Variants in MINDY2 observed in about 807,000 individuals in gnomAD.
MINDY2 encodes the protein MINDY lysine 48 deubiquitinase 2, also known as ubiquitin carboxyl-terminal hydrolase MINDY-2.
Under a neutral mutation model 68.2 loss-of-function variants are expected in MINDY2, and 52 were observed. The ratio of observed to expected loss-of-function variants is 0.76; its 90% CI spans 0.61 to 0.96. MINDY2 has a LOEUF of 0.96. Ranked by LOEUF, MINDY2 falls within the 40% of genes least tolerant of loss-of-function variation. MINDY2 has a pLI of 0.00. For missense variants in MINDY2, 881 were observed against 773.4 expected (o/e 1.14, Z -1.65); for synonymous variants, 372 against 303.0 (o/e 1.23, Z -2.36).
rs139712130 is a variant in MINDY2 at position 58,850,216 on chromosome 15, T to C, written c.1543-1555T>C. 2.2e-3 allele frequency among the ~76,000 whole-genome samples: 335 copies of C among 152,288 alleles called. 2 individuals carry two copies. The highest frequency in any genetic ancestry group is 7.6e-3 in the African/African-American group (315 of 41,556). On this transcript the variant is annotated intron_variant, in intron 7 of 8. Coordinates refer to ENST00000559228, the MANE Select transcript of MINDY2 (RefSeq NM_001040450.3). ...TTTCTGATAGAAACTAATCTGAGTG[T>C]GTACATGGGAGGAGGGAGGAGATGG...
At chr15:58,777,886 C>G (rs1176181281) in intron 1 of MINDY2, among the ~76,000 whole-genome samples, 2 of 152,024 alleles carry the variant, frequency 1.3e-5, no homozygotes, top group African/African-American at 2.4e-5. Context: ...GTAAATTTAT[C>G]AAAATGTATG....
chr15:58,808,998 C>T (rs2030025173), intron 3 of MINDY2, among the ~76,000 whole-genome samples: 2 of 152,160 alleles, frequency 1.3e-5, no homozygotes, highest in South Asian at 4.1e-4. Flanking sequence ...ATCACTTGAG[C>T]TCAGAAATTC....
intron 7 of MINDY2, among the ~76,000 whole-genome samples, chr15:58,850,613 G>C (rs1381981218): frequency 6.6e-6 from 1 of 152,074 alleles, no homozygotes; most frequent in Admixed American, 6.6e-5. Context: ...TATGAAACAG[G>C]GTCTCAGTCA....
At chr15:58,840,391 TC>T (rs2032216648) in intron 6 of MINDY2, among the ~76,000 whole-genome samples, 1 of 152,170 alleles carries the variant, frequency 6.6e-6, no homozygotes, top group South Asian at 2.1e-4. Context: ...CCTCTGTGTT[TC>T]TTTCATTATT....
intron 3 of MINDY2, among the ~76,000 whole-genome samples, chr15:58,805,130 G>C (rs567387642): frequency 1.3e-5 from 2 of 152,288 alleles, no homozygotes; most frequent in South Asian, 2.1e-4. Context: ...ACAACTGCTT[G>C]CATTTCTCAT....
chr15:58,791,226 T>C (rs1473577343), intron 2 of MINDY2, among the ~76,000 whole-genome samples: 1 of 21,490 alleles, frequency 4.7e-5, no homozygotes, highest in Non-Finnish European at 6.1e-5. Context: ...TATATATATA[T>C]ATATATATAT....
In MINDY2 at chr15:58,822,148, G is replaced by A. The variant is rs192333313; in HGVS notation, c.1225+329G>A. 4.9e-3 allele frequency among the ~76,000 whole-genome samples: 750 copies of A among 152,090 alleles called. 7 individuals carry two copies. Among genetic ancestry groups the A allele is most frequent in the South Asian group, 0.028 (133 of 4,814 alleles). On this transcript the variant is annotated intron_variant, in intron 5 of 8. Transcript: ENST00000559228. The stretch of plus-strand genomic sequence containing the variant: ...GCATGCCTGTAATCCCAGCTACTCA[G>A]GAGGCTGAGGCAGGAGAATCGCTTG...
At chr15:58,796,731 C>G (rs987271694) in intron 2 of MINDY2, among the ~76,000 whole-genome samples, 2 of 152,180 alleles carry the variant, frequency 1.3e-5, no homozygotes, top group Non-Finnish European at 2.9e-5. Flanking sequence ...CCATGTTGGC[C>G]GGGCTGGTCT....
chr15:58,775,015 G>C (rs566017092), intron 1 of MINDY2, among the ~76,000 whole-genome samples: 1 of 152,282 alleles, frequency 6.6e-6, no homozygotes, highest in Non-Finnish European at 1.5e-5. Flanking sequence ...ATGGATAAGC[G>C]AAGCAAAGTA....
intron 6 of MINDY2, among the ~76,000 whole-genome samples, chr15:58,840,071 C>T (rs147143440): frequency 6.6e-6 from 1 of 152,138 alleles, no homozygotes; most frequent in East Asian, 1.9e-4. Flanking sequence ...TGACCTCAGG[C>T]AGTCTGCCCG....
chr15:58,831,041 G>GTGTGTGTGTATATATATATATATATA (rs565786025), intron 5 of MINDY2, among the ~76,000 whole-genome samples: 5 of 124,902 alleles, frequency 4.0e-5, no homozygotes, highest in South Asian at 2.5e-4. Flanking sequence ...GTGTGTGTGT[G>GTGTGTGTGTATATATATATATATATA]TATATATATA....
chr15:58,808,437 C>A (rs2029971213), intron 3 of MINDY2, among the ~76,000 whole-genome samples: 1 of 152,100 alleles, frequency 6.6e-6, no homozygotes, highest in African/African-American at 2.4e-5. Context: ...TTGCCCTTTC[C>A]AGAATGTCAT....
chr15:58,804,046 G>A (rs901863763), intron 3 of MINDY2, among the ~76,000 whole-genome samples: 4 of 150,696 alleles, frequency 2.7e-5, no homozygotes, highest in Admixed American at 1.3e-4. Flanking sequence ...GGAGAATGGC[G>A]TGAACCTGGG....
chr15:58,808,967 G>A (rs564126909), intron 3 of MINDY2, among the ~76,000 whole-genome samples: 6 of 152,216 alleles, frequency 3.9e-5, no homozygotes, highest in South Asian at 2.1e-4. Context: ...ATCCCAATAC[G>A]TTGAGAGGCT....
At chr15:58,791,956 G>A (rs558546149) in intron 2 of MINDY2, among the ~76,000 whole-genome samples, 1 of 152,188 alleles carries the variant, frequency 6.6e-6, no homozygotes, top group Admixed American at 6.5e-5. Context: ...AAGAAAAATA[G>A]GAGGCTGTGA....
chr15:58,801,598 A>C (rs1902665796), intron 2 of MINDY2, among the ~76,000 whole-genome samples: 1 of 152,174 alleles, frequency 6.6e-6, no homozygotes, highest in African/African-American at 2.4e-5. Flanking sequence ...GGTGATACCA[A>C]ATAAAAACTC....
intron 2 of MINDY2, among the ~76,000 whole-genome samples, chr15:58,800,241 C>A (rs760627000): frequency 3.3e-5 from 5 of 152,100 alleles, no homozygotes; most frequent in Non-Finnish European, 7.4e-5. Context: ...GCAAGGTTTT[C>A]TTAATTCTTT....
intron 2 of MINDY2, among the ~76,000 whole-genome samples, chr15:58,796,437 G>C (rs1341493526): frequency 6.6e-6 from 1 of 152,216 alleles, no homozygotes; most frequent in African/African-American, 2.4e-5. Context: ...AGTCTTGTGA[G>C]CCAGGCAGGA....
At chr15:58,836,384 C>G (rs117444165) in intron 6 of MINDY2, among the ~76,000 whole-genome samples, 2 of 152,042 alleles carry the variant, frequency 1.3e-5, no homozygotes, top group East Asian at 1.9e-4. Context: ...ATGGTTTGTT[C>G]AAACCAGGAT....
Sources: gnomAD v4.1 joint callset for allele counts (sites outside exome capture counted in the v4.1 genomes callset) on GRCh38, gnomAD v4.1.1 for gene constraint, MANE v1.5 for transcripts, NCBI Gene and HGNC (gene_info 2026-07-23, HGNC 2026-07-21) for gene names.